TMPRSS11F: variants seen among roughly 807,000 people sequenced by gnomAD.
TMPRSS11F encodes the protein transmembrane protease serine 11F.
TMPRSS11F carries 47 observed loss-of-function variants against 60.2 expected under a neutral mutation model. That is an observed-to-expected ratio of 0.78 (90% confidence interval 0.62 to 1.00). The LOEUF (loss-of-function observed/expected upper bound fraction) is 1.00. Among genes scored for constraint, TMPRSS11F ranks in the 50% least tolerant of loss-of-function variants. The pLI is 0.00. For synonymous variants in TMPRSS11F, 166 were observed against 167.3 expected (o/e 0.99, Z 0.06); for missense variants, 519 against 522.9 (o/e 0.99, Z 0.07).
intron 7 of TMPRSS11F, among the ~76,000 whole-genome samples, chr4:68,066,933 CA>C (rs550010835): frequency 0.019 from 1,232 of 65,142 alleles, 8 homozygotes; most frequent in African/African-American, 0.032. Context: ...GACTTCATCT[CA>C]AAAAAAAAAA....
At chr4:68,114,098 G>A (rs148526510) in intron 1 of TMPRSS11F, among the ~76,000 whole-genome samples, 4 of 151,942 alleles carry the variant, frequency 2.6e-5, no homozygotes, top group East Asian at 1.9e-4. Flanking sequence ...TAAAAAATTT[G>A]GGAGATGCAC....
intron 4 of TMPRSS11F, among the ~76,000 whole-genome samples, 163 bp from the exon 5 acceptor site, chr4:68,072,649 AC>A (rs1456487616): frequency 6.6e-6 from 1 of 152,106 alleles, no homozygotes; most frequent in East Asian, 1.9e-4. Context: ...GTGTATAATA[AC>A]CAGGAAGTGT....
chr4:68,086,823 T>A (rs1195303515), intron 3 of TMPRSS11F, among the ~76,000 whole-genome samples: 1 of 152,014 alleles, frequency 6.6e-6, no homozygotes, highest in Admixed American at 6.6e-5. Context: ...ATGAACCAAG[T>A]AGAAATTGAA....
intron 3 of TMPRSS11F, 47 bp from the exon 4 acceptor site, chr4:68,074,056 A>C: frequency 8.5e-7 from 1 of 1,179,168 alleles, no homozygotes; most frequent in Non-Finnish European, 1.2e-6. Flanking sequence ...TAAAAGTAAA[A>C]TAAAAAAATA....
rs572364228 is a variant in TMPRSS11F, at chr4:68,059,877, G to A, written c.1016-409C>T. Among the ~76,000 whole-genome samples the A allele has an allele frequency of 7.9e-5, 12 of 152,216 alleles. No individual in the cohort carries two copies. The South Asian group carries it at 2.5e-3, about 32-fold the overall frequency. On this transcript the variant is annotated intron_variant, in intron 8 of 9. Coordinates refer to ENST00000356291, the MANE Select transcript of TMPRSS11F (RefSeq NM_207407.2). ...CTAAAGCTATTCAAGTAGAAACCAG[G>A]ACAGCTGCACAGATCTCTTCACCCT...
intron 3 of TMPRSS11F, among the ~76,000 whole-genome samples, chr4:68,087,694 GC>G (rs1723841502): frequency 1.1e-5 from 1 of 94,974 alleles, no homozygotes; most frequent in Non-Finnish European, 2.1e-5. Flanking sequence ...ACAATTAGTA[GC>G]ATTTTATTTA....
At chr4:68,115,048 G>T (rs1199136629) in intron 1 of TMPRSS11F, among the ~76,000 whole-genome samples, 82 of 150,386 alleles carry the variant, frequency 5.5e-4, no homozygotes, top group African/African-American at 1.9e-3. Flanking sequence ...AACAAGCTAG[G>T]GATAGAAGAA....
At chr4:68,095,553 G>C (rs1724054954) in intron 2 of TMPRSS11F, among the ~76,000 whole-genome samples, 1 of 152,160 alleles carries the variant, frequency 6.6e-6, no homozygotes, top group South Asian at 2.1e-4. Flanking sequence ...AATGGGAACT[G>C]AGATGCACTG....
chr4:68,098,932 T>C lies in TMPRSS11F; in HGVS notation c.118A>G (p.Ile40Val). The change falls in exon 2 of 10, where the codon ATC becomes GTC. Residue 40 changes from isoleucine to valine, a missense_variant. Transcript: ENST00000356291. Reference sequence around the variant, plus strand: ...ACAATACCAATTGCAATTCCTATGATTGCTACAATTGCTAATGTGAAAAGA... The same window carrying C: ...ACAATACCAATTGCAATTCCTATGACTGCTACAATTGCTAATGTGAAAAGA... ...LALFTLAIVA[I>V]IGIAIGIVTH... The C allele has an allele frequency of 6.2e-7, 1 of 1,612,854 alleles. No homozygotes were observed. The highest frequency in any genetic ancestry group is 8.5e-7 in the Non-Finnish European group (1 of 1,179,440).
In TMPRSS11F at chr4:68,068,947, G is replaced by A. The variant is rs145899207; in HGVS notation, c.554-128C>T. 4,026 of 895,514 alleles carry A rather than the reference G, an allele frequency of 4.5e-3. 19 individuals are homozygous for A. The highest frequency in any genetic ancestry group is 0.016 in the Middle Eastern group (64 of 4,128). The allele number at this position is 895,514 out of a possible 1,614,324, so 55.5% of individuals were successfully genotyped here. A position where few individuals can be genotyped will look rare whatever the true frequency, so the allele number is the denominator to read the frequency against. ...GAACCATTCATAGCACTCAGCCTTT[G>A]AGCTTATTTGATACAGGTCTTGCTG... is the stretch of plus-strand genomic sequence containing the variant. On this transcript the variant is annotated intron_variant, in intron 6 of 9. Coordinates refer to ENST00000356291, the MANE Select transcript of TMPRSS11F (RefSeq NM_207407.2).
chr4:68,066,412 T>G (rs1377550072), intron 7 of TMPRSS11F, among the ~76,000 whole-genome samples: 1 of 152,172 alleles, frequency 6.6e-6, no homozygotes, highest in Non-Finnish European at 1.5e-5. Flanking sequence ...ACATGTTTTA[T>G]GAATACGAAA....
At chr4:68,101,848 C>T (rs1553888077) in intron 1 of TMPRSS11F, among the ~76,000 whole-genome samples, 1 of 152,086 alleles carries the variant, frequency 6.6e-6, no homozygotes, top group Non-Finnish European at 1.5e-5. Context: ...GTGGCAACAG[C>T]AGCTAAAATC....
intron 1 of TMPRSS11F, among the ~76,000 whole-genome samples, chr4:68,125,447 T>C (rs566890088): frequency 1.3e-5 from 2 of 152,230 alleles, no homozygotes; most frequent in South Asian, 2.1e-4. Context: ...TCATATATGA[T>C]ACTGGAAGAA....
intron 8 of TMPRSS11F, 116 bp from the exon 9 acceptor site, chr4:68,059,584 A>C: frequency 9.9e-7 from 1 of 1,006,998 alleles, no homozygotes; most frequent in Non-Finnish European, 1.4e-6. Flanking sequence ...TATTAACATT[A>C]GCTATCATCT....
intron 1 of TMPRSS11F, among the ~76,000 whole-genome samples, chr4:68,103,329 C>A (rs1199425402): frequency 6.6e-6 from 1 of 151,856 alleles, no homozygotes; most frequent in African/African-American, 2.4e-5. Flanking sequence ...GCCCGTAGTC[C>A]CAGATACTTA....
chr4:68,082,696 T>C (rs1425721394), intron 3 of TMPRSS11F, among the ~76,000 whole-genome samples: 1 of 152,150 alleles, frequency 6.6e-6, no homozygotes, highest in Non-Finnish European at 1.5e-5. Flanking sequence ...CCCCGTTGGG[T>C]TAGAGCACAT....
At chr4:68,096,130 AC>A (rs79789053) in intron 2 of TMPRSS11F, among the ~76,000 whole-genome samples, 26,105 of 151,550 alleles carry the variant, frequency 0.17, 2,380 homozygotes, top group East Asian at 0.33. Context: ...TAAAAAAAAA[AC>A]CAGACTAAAG....
At chr4:68,075,440 AC>A in intron 3 of TMPRSS11F, among the ~76,000 whole-genome samples, 1 of 151,872 alleles carries the variant, frequency 6.6e-6, no homozygotes, top group East Asian at 1.9e-4. Flanking sequence ...ACACAATCTT[AC>A]CCCTTCATTG....
intron 1 of TMPRSS11F, among the ~76,000 whole-genome samples, chr4:68,107,049 A>ATT (rs142380448): frequency 0.045 from 6,788 of 152,266 alleles, 199 homozygotes; most frequent in South Asian, 0.12. Flanking sequence ...TAAACACTTA[A>ATT]TTTCATTCAT....
Sources: gnomAD v4.1 joint callset for allele counts (sites outside exome capture counted in the v4.1 genomes callset) on GRCh38, gnomAD v4.1.1 for gene constraint, MANE v1.5 for transcripts, NCBI Gene and HGNC (gene_info 2026-07-23, HGNC 2026-07-21) for gene names.